The following AKT3 variants were observed in gnomAD, a reference collection of about 807,000 sequenced individuals.
AKT3 encodes the protein AKT serine/threonine kinase 3.
In AKT3, 15 loss-of-function variants were observed where a neutral mutation model predicts 65.3. That is an observed-to-expected ratio of 0.23 (90% CI 0.15 to 0.35). The LOEUF (loss-of-function observed/expected upper bound fraction) is 0.35. AKT3 is among the 10% of genes least tolerant of loss of function. The pLI is 1.00. For missense variants in AKT3, 243 were observed against 576.5 expected (o/e 0.42, Z 5.92); for synonymous variants, 206 against 183.8 (o/e 1.12, Z -0.98).
At chr1:243,613,607 A>G in intron 8 of AKT3, 64 bp downstream of exon 8, 1 of 1,262,082 alleles carries the variant, frequency 7.9e-7, no homozygotes, top group Non-Finnish European at 1.1e-6. Flanking sequence ...CTTGTATTTT[A>G]AGTAATGTTT....
intron 3 of AKT3, among the ~76,000 whole-genome samples, chr1:243,665,601 C>T (rs1180283713): frequency 2.0e-5 from 3 of 152,242 alleles, no homozygotes; most frequent in African/African-American, 4.8e-5. Flanking sequence ...ATTATTTTTT[C>T]GTACCATTAA....
At chr1:243,543,930 A>T (rs1235122181) in intron 12 of AKT3, among the ~76,000 whole-genome samples, 1 of 152,162 alleles carries the variant, frequency 6.6e-6, no homozygotes, top group Non-Finnish European at 1.5e-5. Context: ...CATAATACAG[A>T]CATGAAGTGC....
At chr1:243,569,984 T>A (rs1050723178) in intron 9 of AKT3, among the ~76,000 whole-genome samples, 2 of 152,222 alleles carry the variant, frequency 1.3e-5, no homozygotes, top group South Asian at 2.1e-4. Context: ...CCTTAAGTAA[T>A]CACAAGGAAT....
chr1:243,811,759 T>A (rs1213882211), intron 2 of AKT3, among the ~76,000 whole-genome samples: 1 of 152,210 alleles, frequency 6.6e-6, no homozygotes, highest in Non-Finnish European at 1.5e-5. Context: ...TCATACTACC[T>A]GTCTTCAAAT....
At chr1:243,695,549 A>T in intron 3 of AKT3, 42 bp downstream of exon 3, 1 of 1,518,682 alleles carries the variant, frequency 6.6e-7, no homozygotes, top group Non-Finnish European at 8.9e-7. Flanking sequence ...AATCATAAAA[A>T]TAAATAAATA....
intron 2 of AKT3, among the ~76,000 whole-genome samples, chr1:243,718,407 T>A (rs558208037): frequency 5.7e-4 from 87 of 151,952 alleles, no homozygotes; most frequent in Middle Eastern, 3.4e-3. Context: ...AAGTTTTTTT[T>A]AAAAAAAAGC....
At chr1:243,820,775 G>A (rs539499774) in intron 2 of AKT3, among the ~76,000 whole-genome samples, 2 of 152,218 alleles carry the variant, frequency 1.3e-5, no homozygotes, top group South Asian at 4.1e-4. Flanking sequence ...TGAGAACTAT[G>A]GGATTATGTA....
At chr1:243,595,712 A>T (rs1297439321) in intron 8 of AKT3, among the ~76,000 whole-genome samples, 2 of 152,100 alleles carry the variant, frequency 1.3e-5, no homozygotes, top group East Asian at 3.9e-4. Flanking sequence ...CCACCTCCAC[A>T]TCCTGTCCCA....
intron 2 of AKT3, among the ~76,000 whole-genome samples, chr1:243,835,774 A>T (rs1694856153): frequency 6.6e-6 from 1 of 152,072 alleles, no homozygotes; most frequent in Admixed American, 6.5e-5. Context: ...GAATATACTG[A>T]AAAAAATTCA....
chr1:243,489,800 G>C (rs568098482), intron 13 of AKT3, among the ~76,000 whole-genome samples: 2 of 152,312 alleles, frequency 1.3e-5, no homozygotes, highest in African/African-American at 4.8e-5. Flanking sequence ...GGCTAAGCCT[G>C]ACTCCACAGC....
intron 2 of AKT3, among the ~76,000 whole-genome samples, chr1:243,749,368 C>T (rs932462427): frequency 7.2e-5 from 11 of 152,208 alleles, no homozygotes; most frequent in Admixed American, 5.9e-4. Context: ...CATGCCACAT[C>T]TTCTTTATCC....
At chr1:243,621,272 T>C (rs1678727731) in intron 6 of AKT3, among the ~76,000 whole-genome samples, 1 of 152,174 alleles carries the variant, frequency 6.6e-6, no homozygotes, top group Admixed American at 6.5e-5. Flanking sequence ...CAAAATGCGA[T>C]CTTACTTCCT....
chr1:243,573,181 C>CT (rs1240064715), intron 8 of AKT3, 133 bp from the exon 9 acceptor site: 9 of 1,007,608 alleles, frequency 8.9e-6, no homozygotes, highest in Non-Finnish European at 1.2e-5. Flanking sequence ...ACTGAGCACT[C>CT]TTAGACAGCA....
chr1:243,563,423 T>C (rs1350214507), intron 10 of AKT3, among the ~76,000 whole-genome samples: 1 of 152,154 alleles, frequency 6.6e-6, no homozygotes, highest in Admixed American at 6.6e-5. Context: ...TTATTCTATT[T>C]TAATAAATGA....
chr1:243,710,072 GTT>G (rs1043872971), intron 2 of AKT3, among the ~76,000 whole-genome samples: 1 of 152,044 alleles, frequency 6.6e-6, no homozygotes, highest in African/African-American at 2.4e-5. Flanking sequence ...GAAATACTCT[GTT>G]TTCAACATAC....
intron 12 of AKT3, among the ~76,000 whole-genome samples, chr1:243,529,316 G>GT (rs1671366554): frequency 6.6e-6 from 1 of 151,954 alleles, no homozygotes; most frequent in Non-Finnish European, 1.5e-5. Context: ...GTCAAGTTTT[G>GT]TTTTTGTTGC....
intron 2 of AKT3, among the ~76,000 whole-genome samples, chr1:243,810,254 A>T (rs1410629238): frequency 6.6e-6 from 1 of 152,174 alleles, no homozygotes; most frequent in African/African-American, 2.4e-5. Flanking sequence ...TTTTGAAAAG[A>T]TCAACAAAAT....
downstream of AKT3, among the ~76,000 whole-genome samples, chr1:243,496,685 G>C (rs929454958): frequency 5.3e-5 from 8 of 152,240 alleles, no homozygotes; most frequent in African/African-American, 7.2e-5. Context: ...CTTCTGGCTG[G>C]TTTGGGAACA....
chr1:243,641,055 T>C (rs1036161242), intron 5 of AKT3, among the ~76,000 whole-genome samples: 1 of 151,924 alleles, frequency 6.6e-6, no homozygotes, highest in Non-Finnish European at 1.5e-5. Context: ...CAGAAAAACA[T>C]GAAAAGGCTA....
Sources: allele counts gnomAD v4.1 joint callset (sites outside exome capture counted in the v4.1 genomes callset), GRCh38; gene constraint gnomAD v4.1.1; transcripts MANE v1.5; gene names NCBI Gene and HGNC (gene_info 2026-07-23, HGNC 2026-07-21).